GNB5: variants seen among roughly 807,000 people sequenced by gnomAD.
GNB5 encodes guanine nucleotide-binding protein subunit beta-5.
Under a neutral mutation model 55.3 loss-of-function variants are expected in GNB5, and 37 were observed. That is an observed-to-expected ratio of 0.67 (90% CI 0.51 to 0.88). The LOEUF (loss-of-function observed/expected upper bound fraction) is 0.88, where lower values mean the gene tolerates loss of function less well. Ranked by LOEUF, GNB5 falls within the 40% of genes least tolerant of loss-of-function variation. The pLI is 0.00. For missense variants in GNB5, 476 were observed against 515.3 expected, an observed-to-expected ratio of 0.92 and a Z score of 0.74; for synonymous variants, 219 against 198.5, an observed-to-expected ratio of 1.10 and a Z score of -0.87.
chr15:52,144,396 C>T (rs1027630583), intron 6 of GNB5: 2 of 152,222 alleles, frequency 1.3e-5, no homozygotes, highest in Non-Finnish European at 1.5e-5. Context: ...ACATCCAGCT[C>T]TATGCATCTG....
At chr15:52,149,707 G>C (rs1206074674) in intron 5 of GNB5, 177 bp downstream of exon 5, 3 of 688,634 alleles carry the variant, frequency 4.4e-6, no homozygotes, top group Non-Finnish European at 8.1e-6. Flanking sequence ...TGCTGCAATG[G>C]GCTGGCTGAG....
chr15:52,120,005 G>A lies in GNB5; in HGVS notation c.*2752C>T, dbSNP rs2033227260. On this transcript the variant is annotated 3_prime_UTR_variant, in exon 13 of 13. Transcript: ENST00000261837. The stretch of plus-strand genomic sequence containing the variant: ...CTGGGAGAAGAGGGACGGCTGCCAG[G>A]GCCCCACCGGTGAGAGGCTGACCGC... 1 of 152,342 alleles carries A rather than the reference G, an allele frequency of 6.6e-6. No individual in the cohort carries two copies. Among genetic ancestry groups the A allele is most frequent in the Admixed American group, 6.5e-5 (1 of 15,288 alleles). The allele number at this position is 152,342 out of a possible 1,614,324, so 9.4% of individuals were successfully genotyped here. A position where few individuals can be genotyped will look rare whatever the true frequency, so the allele number is the denominator to read the frequency against.
chr15:52,122,901 C>T (rs2033309565), intron 12 of GNB5, 133 bp from the exon 13 acceptor site: 3 of 720,544 alleles, frequency 4.2e-6, no homozygotes, highest in Non-Finnish European at 5.0e-6. Context: ...CACACACACA[C>T]ACACAAACAT....
At chr15:52,185,753 T>TTATTA (rs1555409558) in intron 1 of GNB5, among the ~76,000 whole-genome samples, 1,722 of 136,684 alleles carry the variant, frequency 0.013, 33 homozygotes, top group Admixed American at 0.047. Context: ...TATTCATCTT[T>TTATTA]TTATTATTAT....
intron 7 of GNB5, chr15:52,138,494 G>C (rs1317000196): frequency 1.3e-5 from 2 of 152,152 alleles, no homozygotes; most frequent in African/African-American, 2.4e-5. Flanking sequence ...GCTGTCCACA[G>C]GACCCCCTCC....
At chr15:52,132,486 G>GC (rs2033600433) in intron 9 of GNB5, among the ~76,000 whole-genome samples, 1 of 148,460 alleles carries the variant, frequency 6.7e-6, no homozygotes, top group Admixed American at 6.8e-5. Flanking sequence ...TTGTTTGTTT[G>GC]GGTTTTTTTT....
intron 5 of GNB5, 24 bp downstream of exon 5, chr15:52,149,860 A>C: frequency 6.3e-7 from 1 of 1,581,252 alleles, no homozygotes; most frequent in Non-Finnish European, 8.7e-7. Context: ...AGCCTCTATA[A>C]CGTGGCTGGG....
At chr15:52,167,098 A>T (rs748977593) in intron 3 of GNB5, among the ~76,000 whole-genome samples, 8 of 152,202 alleles carry the variant, frequency 5.3e-5, no homozygotes, top group Non-Finnish European at 1.0e-4. Flanking sequence ...AAATTCCTAA[A>T]TGCATACACC....
intron 5 of GNB5, 27 bp from the exon 6 acceptor site, chr15:52,147,562 T>C (rs910305762): frequency 4.1e-5 from 51 of 1,256,942 alleles, no homozygotes; most frequent in Non-Finnish European, 5.4e-5. Context: ...AGTGAACAAC[T>C]AGCACTTCCA....
At chr15:52,177,650 CAAA>C (rs112539098) in intron 3 of GNB5, among the ~76,000 whole-genome samples, 7 of 92,020 alleles carry the variant, frequency 7.6e-5, no homozygotes, top group Admixed American at 1.0e-4. Context: ...GACTCCGTGT[CAAA>C]AAAAAAAAAA....
intron 6 of GNB5, among the ~76,000 whole-genome samples, chr15:52,146,151 G>T (rs1566939321): frequency 6.6e-6 from 1 of 151,950 alleles, no homozygotes; most frequent in South Asian, 2.1e-4. Context: ...TAGAGACGGG[G>T]TTTCACCATG....
intron 5 of GNB5, among the ~76,000 whole-genome samples, chr15:52,148,237 T>C (rs1259300669): frequency 6.6e-6 from 1 of 152,188 alleles, no homozygotes; most frequent in Non-Finnish European, 1.5e-5. Context: ...TGACTTTTTA[T>C]ATTTGTATTT....
intron 3 of GNB5, among the ~76,000 whole-genome samples, chr15:52,168,103 C>A (rs1192165691): frequency 6.6e-6 from 1 of 152,198 alleles, no homozygotes; most frequent in African/African-American, 2.4e-5. Flanking sequence ...GACAAAGATG[C>A]CCTCTCTCTC....
chr15:52,168,607 G>A (rs2034495025), intron 3 of GNB5, among the ~76,000 whole-genome samples: 1 of 151,824 alleles, frequency 6.6e-6, no homozygotes, highest in Non-Finnish European at 1.5e-5. Flanking sequence ...CATAGAATAG[G>A]AAAAAAAACT....
chr15:52,170,645 GAC>G (rs1377327617), intron 3 of GNB5, among the ~76,000 whole-genome samples: 1 of 150,082 alleles, frequency 6.7e-6, no homozygotes, highest in African/African-American at 2.5e-5. Context: ...CAAACCACAT[GAC>G]ACATGTTTAC....
intron 12 of GNB5, among the ~76,000 whole-genome samples, chr15:52,124,248 C>T (rs555935519): frequency 3.3e-5 from 5 of 152,236 alleles, no homozygotes; most frequent in East Asian, 1.9e-4. Context: ...CAGGCTGATA[C>T]GCAGTTGTCG....
At chr15:52,183,114 T>G (rs986500359) in intron 2 of GNB5, among the ~76,000 whole-genome samples, 2 of 152,236 alleles carry the variant, frequency 1.3e-5, no homozygotes, top group East Asian at 3.9e-4. Flanking sequence ...ATCGTGCCAC[T>G]GCTTCAATTG....
intron 3 of GNB5, among the ~76,000 whole-genome samples, chr15:52,155,744 A>G (rs1301771005): frequency 1.3e-5 from 2 of 150,954 alleles, no homozygotes; most frequent in Non-Finnish European, 2.9e-5. Flanking sequence ...TGGCAGGGAC[A>G]CAGAGATGGG....
At chr15:52,138,486 T>A (rs2033779970) in intron 7 of GNB5, 1 of 152,406 alleles carries the variant, frequency 6.6e-6, no homozygotes, top group Non-Finnish European at 1.5e-5. Flanking sequence ...ACCCACTGGC[T>A]GTCCACAGGA....
Sources: allele counts gnomAD v4.1 joint callset (sites outside exome capture counted in the v4.1 genomes callset), GRCh38; gene constraint gnomAD v4.1.1; transcripts MANE v1.5; gene names NCBI Gene and HGNC (gene_info 2026-07-23, HGNC 2026-07-21).